PCDHA8: variants seen among roughly 807,000 people sequenced by gnomAD.
The protein encoded by PCDHA8 is protocadherin alpha 8.
PCDHA8 carries 53 observed loss-of-function variants against 61.8 expected under a neutral mutation model. The observed-to-expected ratio is 0.86, with a 90% CI of 0.69 to 1.08. The LOEUF is 1.08. Among genes scored for constraint, PCDHA8 ranks in the 50% least tolerant of loss-of-function variants. PCDHA8 has a pLI of 0.00. For synonymous variants in PCDHA8, 618 were observed against 556.6 expected (o/e 1.11, Z -1.55); for missense variants, 1,293 against 1,245.0 (o/e 1.04, Z -0.58).
At chr5:140,871,596 C>G in intron 1 of PCDHA8, 2 of 1,453,962 alleles carry the variant, frequency 1.4e-6, no homozygotes, top group South Asian at 2.9e-5. Flanking sequence ...TATGAATAAC[C>G]AGTGTTTTGA....
chr5:140,860,179 T>C (rs1448179121), intron 1 of PCDHA8: 2 of 148,944 alleles, frequency 1.3e-5, no homozygotes, highest in African/African-American at 4.9e-5. Flanking sequence ...ATATATATGA[T>C]GGGCTCTCCT....
intron 1 of PCDHA8, among the ~76,000 whole-genome samples, chr5:140,933,686 C>T (rs186587135): frequency 6.6e-6 from 1 of 151,890 alleles, no homozygotes; most frequent in Non-Finnish European, 1.5e-5. Flanking sequence ...ATTTTTTTTC[C>T]TATTCCTCGG....
At chr5:140,913,384 C>T (rs1018271300) in intron 1 of PCDHA8, among the ~76,000 whole-genome samples, 1 of 152,144 alleles carries the variant, frequency 6.6e-6, no homozygotes, top group Non-Finnish European at 1.5e-5. Flanking sequence ...AGTGGCTCAT[C>T]ATAGCCACTA....
intron 1 of PCDHA8, among the ~76,000 whole-genome samples, chr5:140,945,249 T>C (rs1181677082): frequency 6.6e-6 from 1 of 152,050 alleles, no homozygotes; most frequent in African/African-American, 2.4e-5. Flanking sequence ...ACCAAGAGGA[T>C]GAAAGACCTG....
chr5:140,974,255 C>T (rs1049283311), intron 1 of PCDHA8, among the ~76,000 whole-genome samples: 1 of 152,186 alleles, frequency 6.6e-6, no homozygotes, highest in African/African-American at 2.4e-5. Flanking sequence ...CCATCAGTTC[C>T]TTTCTGGCCT....
chr5:140,845,010 T>G (rs2150375748), intron 1 of PCDHA8, among the ~76,000 whole-genome samples: 12 of 149,368 alleles, frequency 8.0e-5, no homozygotes, highest in Non-Finnish European at 1.0e-4. Context: ...GAACAAATAA[T>G]GTAATCATTT....
In PCDHA8 at chr5:140,857,592, A is replaced by G. The variant is rs782473553; in HGVS notation, c.2394+13877A>G. On this transcript the variant is annotated intron_variant, in intron 1 of 3. Coordinates refer to ENST00000531613, the MANE Select transcript of PCDHA8 (RefSeq NM_018911.3). ...GTGTCGGTGCACGCGGAGAGCGGCA[A>G]GGTGTACGCGCTGCAGCCGCTGGAC... 5 of 1,596,098 alleles carry G rather than the reference A, an allele frequency of 3.1e-6. No individual in the cohort carries two copies. In the African/African-American group the frequency reaches 6.7e-5, roughly 21 times the overall value.
rs2150335753 is a variant in PCDHA8, at chr5:140,842,424, T to A, written c.1103T>A (p.Val368Asp). The change falls in exon 1 of 4, where the codon GTC becomes GAC. Residue 368 changes from valine (V) to aspartate (D), a missense_variant. Physicochemically the swap from Val to Asp is radical, Grantham distance 152 (BLOSUM62 -3). Transcript: ENST00000531613. Reference sequence around the variant, plus strand: ...CGTGAAGACGCTCAATTTGGTACTGTCATCGCCCTAATTAGCGTGAACGAC... The same window carrying A: ...CGTGAAGACGCTCAATTTGGTACTGACATCGCCCTAATTAGCGTGAACGAC... ...PVREDAQFGT[V>D]IALISVNDLD... 2 of 1,613,572 alleles carry A rather than the reference T, an allele frequency of 1.2e-6. No individual in the cohort carries two copies. Among genetic ancestry groups the A allele is most frequent in the East Asian group, 4.5e-5 (2 of 44,874 alleles).
chr5:141,009,269 A>G (rs2098404104), intron 3 of PCDHA8, among the ~76,000 whole-genome samples: 1 of 152,140 alleles, frequency 6.6e-6, no homozygotes, highest in Non-Finnish European at 1.5e-5. Flanking sequence ...AGCCTGGGCA[A>G]CATAGTGAGA....
intron 1 of PCDHA8, among the ~76,000 whole-genome samples, chr5:140,976,448 G>C (rs2096716831): frequency 6.6e-6 from 1 of 152,148 alleles, no homozygotes; most frequent in Non-Finnish European, 1.5e-5. Context: ...CTACTAGGGA[G>C]GCTGGGGAAG....
chr5:140,902,783 G>A (rs1013396334), intron 1 of PCDHA8, among the ~76,000 whole-genome samples: 19 of 151,054 alleles, frequency 1.3e-4, no homozygotes, highest in Admixed American at 9.2e-4. Flanking sequence ...TCATAGCTTA[G>A]CTCTCACTTG....
At chr5:140,930,003 A>G (rs1440351209) in intron 1 of PCDHA8, 1 of 152,218 alleles carries the variant, frequency 6.6e-6, no homozygotes, top group Non-Finnish European at 1.5e-5. Flanking sequence ...ACCCTAAAAC[A>G]TAGCTGATAG....
chr5:140,927,478 C>T (rs959432734), intron 1 of PCDHA8: 12 of 1,613,944 alleles, frequency 7.4e-6, no homozygotes, highest in African/African-American at 1.3e-5. Flanking sequence ...TCGCGAACAG[C>T]GCGCCACCCA....
chr5:140,967,327 C>T (rs2096128034), intron 1 of PCDHA8: 2 of 1,608,656 alleles, frequency 1.2e-6, no homozygotes, highest in Admixed American at 1.7e-5. Context: ...CCTACGAGCT[C>T]AGCCCCAGCG....
chr5:140,871,525 A>T, intron 1 of PCDHA8: 1 of 1,546,090 alleles, frequency 6.5e-7, no homozygotes, highest in Non-Finnish European at 8.7e-7. Flanking sequence ...ACCTATCAGG[A>T]AGTGTATGTG....
chr5:140,871,301 C>T lies in PCDHA8; in HGVS notation c.2394+27586C>T, dbSNP rs781904724. 1.9e-6 allele frequency: 3 copies of T among 1,613,800 alleles called. No individual in the cohort carries two copies. In the African/African-American group the frequency reaches 4.0e-5, roughly 22 times the overall value. ...ACGCCCACTGAGGGCGCGTGCGCGC[C>T]GGGGAAGCCCACGCTGGTGTGCTCC... is the stretch of plus-strand genomic sequence containing the variant. On this transcript the variant is annotated intron_variant, in intron 1 of 3. Coordinates refer to ENST00000531613, the MANE Select transcript of PCDHA8 (RefSeq NM_018911.3).
At chr5:140,914,921 T>C (rs895344325) in intron 1 of PCDHA8, among the ~76,000 whole-genome samples, 1 of 151,508 alleles carries the variant, frequency 6.6e-6, no homozygotes, top group Non-Finnish European at 1.5e-5. Context: ...TGTGTCTTAT[T>C]GTACTATGTT....
rs372608018 is a variant in PCDHA8, at chr5:140,875,736, T to C, written c.2394+32021T>C. The C allele has an allele frequency of 2.5e-6, 4 of 1,614,088 alleles. No homozygotes were observed. The African/African-American group carries it at 4.0e-5, about 16-fold the overall frequency. ...AGAATGGCATTTTGTTTGTGAATTCTCGGATCGACCGCGAGAAGCTGTGCG... is the reference window on the plus strand; with the variant it reads ...AGAATGGCATTTTGTTTGTGAATTCCCGGATCGACCGCGAGAAGCTGTGCG... On this transcript the variant is annotated intron_variant, in intron 1 of 3. Transcript: ENST00000531613.
rs782332920 is a variant in PCDHA8 at position 140,856,198 on chromosome 5, C to T, written c.2394+12483C>T. 1.9e-6 allele frequency: 3 copies of T among 1,597,984 alleles called. No homozygotes were observed. In the East Asian group the frequency reaches 6.7e-5, roughly 36 times the overall value. On this transcript the variant is annotated intron_variant, in intron 1 of 3. Transcript: ENST00000531613. ...CCTTCGTGGGCCGCATCGCGCAGGA[C>T]CTGGGGCTGGAGCTGGCGGAGCTGG...
Sources: gnomAD v4.1 joint callset for allele counts (sites outside exome capture counted in the v4.1 genomes callset) on GRCh38, gnomAD v4.1.1 for gene constraint, MANE v1.5 for transcripts, NCBI Gene and HGNC (gene_info 2026-07-23, HGNC 2026-07-21) for gene names.